The following KLHL29 variants were observed in gnomAD, a reference collection of about 807,000 sequenced individuals.
The protein encoded by KLHL29 is kelch like family member 29, also known as kelch-like protein 29.
A neutral mutation model predicts 80.4 loss-of-function variants in KLHL29; 21 were observed. The ratio of observed to expected loss-of-function variants is 0.26; its 90% confidence interval spans 0.19 to 0.38. KLHL29 has a LOEUF of 0.38. KLHL29 is among the 10% of genes least tolerant of loss of function. The pLI, the probability that KLHL29 is intolerant of heterozygous loss-of-function variation, is 1.00. For synonymous variants in KLHL29, 511 were observed against 526.8 expected, an observed-to-expected ratio of 0.97 and a Z score of 0.41; for missense variants, 867 against 1,223.9, an observed-to-expected ratio of 0.71 and a Z score of 4.35.
intron 11 of KLHL29, among the ~76,000 whole-genome samples, chr2:23,701,502 C>G (rs1193263069): frequency 2.6e-5 from 4 of 152,174 alleles, no homozygotes; most frequent in Non-Finnish European, 5.9e-5. Flanking sequence ...TGCTTAAGCT[C>G]AGGAGTTCGA....
chr2:23,386,111 G>GC (rs1401116101), intron 1 of KLHL29, among the ~76,000 whole-genome samples: 7 of 152,098 alleles, frequency 4.6e-5, no homozygotes, highest in Non-Finnish European at 1.0e-4. Context: ...GGCCGGAGCA[G>GC]CCCCCCTGCT....
At chr2:23,565,832 G>A (rs1359521836) in intron 3 of KLHL29, among the ~76,000 whole-genome samples, 2 of 152,250 alleles carry the variant, frequency 1.3e-5, no homozygotes, top group Non-Finnish European at 2.9e-5. Context: ...CTCAGCAACT[G>A]TCCCTGAGGA....
chr2:23,434,315 C>T (rs1663274591), intron 1 of KLHL29, among the ~76,000 whole-genome samples: 2 of 95,468 alleles, frequency 2.1e-5, no homozygotes, highest in Non-Finnish European at 3.8e-5. Context: ...AGCGAGACTC[C>T]GTCTCAAAAA....
At chr2:23,436,846 T>G (rs899377890) in intron 1 of KLHL29, among the ~76,000 whole-genome samples, 3 of 152,262 alleles carry the variant, frequency 2.0e-5, no homozygotes, top group Non-Finnish European at 4.4e-5. Context: ...ACTTGGGAGC[T>G]GTTTCTCTGA....
At chr2:23,472,294 T>G (rs1444342152) in intron 1 of KLHL29, among the ~76,000 whole-genome samples, 2 of 152,136 alleles carry the variant, frequency 1.3e-5, no homozygotes, top group Non-Finnish European at 2.9e-5. Flanking sequence ...GCAGGTGTGC[T>G]TGCCCTGGAC....
At chr2:23,626,777 C>T (rs892543559) in intron 3 of KLHL29, among the ~76,000 whole-genome samples, 9 of 152,356 alleles carry the variant, frequency 5.9e-5, no homozygotes, top group Middle Eastern at 6.8e-3. Context: ...GGGAGTGGAG[C>T]TGTGGTAGCC....
chr2:23,461,976 A>ATTTTTTTTTTT (rs10659814), intron 1 of KLHL29, among the ~76,000 whole-genome samples: 13 of 141,302 alleles, frequency 9.2e-5, no homozygotes, highest in Non-Finnish European at 1.5e-4. Flanking sequence ...GGTTTTTGCC[A>ATTTTTTTTTTT]TTTTTTTTTT....
chr2:23,497,209 C>G (rs914958635), intron 2 of KLHL29, among the ~76,000 whole-genome samples: 3 of 152,166 alleles, frequency 2.0e-5, no homozygotes, highest in Admixed American at 6.5e-5. Context: ...TTCTTGGCAA[C>G]TGCGATTACT....
intron 1 of KLHL29, among the ~76,000 whole-genome samples, chr2:23,395,699 C>T (rs576221359): frequency 2.0e-5 from 3 of 151,430 alleles, no homozygotes; most frequent in Admixed American, 6.6e-5. Context: ...GAGCTGAGAT[C>T]GCAACACTGC....
At chr2:23,386,855 C>T (rs964830152) in intron 1 of KLHL29, among the ~76,000 whole-genome samples, 2 of 152,050 alleles carry the variant, frequency 1.3e-5, no homozygotes, top group Non-Finnish European at 2.9e-5. Context: ...AAGGCGGGGA[C>T]GCGCTGCCTG....
At chr2:23,683,166 G>A (rs990663852) in intron 5 of KLHL29, among the ~76,000 whole-genome samples, 5 of 152,230 alleles carry the variant, frequency 3.3e-5, no homozygotes, top group Admixed American at 6.5e-5. Context: ...GCGGGCAGCC[G>A]GCCCTGGCCC....
intron 3 of KLHL29, among the ~76,000 whole-genome samples, chr2:23,575,600 A>G (rs919350929): frequency 2.6e-5 from 4 of 152,232 alleles, no homozygotes; most frequent in Admixed American, 2.0e-4. Context: ...TCCTCATTAA[A>G]TAACCTTGGG....
chr2:23,540,976 A>G (rs1666816277), intron 2 of KLHL29, among the ~76,000 whole-genome samples: 1 of 152,182 alleles, frequency 6.6e-6, no homozygotes, highest in African/African-American at 2.4e-5. Flanking sequence ...AGGGGGATAG[A>G]ACACCCTGAT....
At chr2:23,427,804 AT>A (rs1663047070) in intron 1 of KLHL29, among the ~76,000 whole-genome samples, 1 of 152,190 alleles carries the variant, frequency 6.6e-6, no homozygotes, top group Non-Finnish European at 1.5e-5. Flanking sequence ...TTTGTGACAT[AT>A]TTTTAAACAC....
At chr2:23,661,566 G>A (rs1180945358) in intron 5 of KLHL29, among the ~76,000 whole-genome samples, 1 of 152,220 alleles carries the variant, frequency 6.6e-6, no homozygotes, top group Non-Finnish European at 1.5e-5. Flanking sequence ...CAGTGGCAGA[G>A]GGAACAAGAG....
chr2:23,517,862 C>G (rs912459354), intron 2 of KLHL29, among the ~76,000 whole-genome samples: 1 of 152,172 alleles, frequency 6.6e-6, no homozygotes, highest in Non-Finnish European at 1.5e-5. Flanking sequence ...GATACATTGG[C>G]CTTCCATTCT....
intron 2 of KLHL29, among the ~76,000 whole-genome samples, chr2:23,519,277 C>A (rs1230325743): frequency 6.6e-6 from 1 of 152,172 alleles, no homozygotes; most frequent in Non-Finnish European, 1.5e-5. Context: ...GATCCAGCTC[C>A]TATGTTGTCA....
At chr2:23,650,975 G>C (rs915427709) in intron 5 of KLHL29, among the ~76,000 whole-genome samples, 2 of 144,312 alleles carry the variant, frequency 1.4e-5, no homozygotes, top group African/African-American at 2.9e-5. Flanking sequence ...AGAAAATGTG[G>C]CACAAAACTG....
At chr2:23,650,348 T>C (rs1295794873) in intron 5 of KLHL29, among the ~76,000 whole-genome samples, 1 of 126,086 alleles carries the variant, frequency 7.9e-6, no homozygotes, top group African/African-American at 2.5e-5. Flanking sequence ...CCATCTATCA[T>C]AGAGTCACAC....
Sources: allele counts gnomAD v4.1 joint callset (sites outside exome capture counted in the v4.1 genomes callset), GRCh38; gene constraint gnomAD v4.1.1; transcripts MANE v1.5; gene names NCBI Gene and HGNC (gene_info 2026-07-23, HGNC 2026-07-21).